Variants in TSPAN2 observed in about 807,000 individuals in gnomAD.
The protein encoded by TSPAN2 is tetraspanin-2.
TSPAN2 carries 24 observed loss-of-function variants against 33.3 expected under a neutral mutation model. The observed-to-expected ratio is 0.72, with a 90% confidence interval of 0.52 to 1.01. The LOEUF (loss-of-function observed/expected upper bound fraction) is 1.01. Among genes scored for constraint, TSPAN2 ranks in the 50% least tolerant of loss-of-function variants. TSPAN2 has a pLI of 0.00. For missense variants in TSPAN2, 278 were observed against 281.3 expected (o/e 0.99, Z 0.08); for synonymous variants, 114 against 104.5 (o/e 1.09, Z -0.56).
intron 2 of TSPAN2, among the ~76,000 whole-genome samples, chr1:115,064,720 A>G (rs1647876332): frequency 6.6e-6 from 1 of 152,214 alleles, no homozygotes; most frequent in African/African-American, 2.4e-5. Context: ...TTAGAGATAT[A>G]TGCTGGAAAC....
At chr1:115,075,132 G>C (rs527538963) in intron 1 of TSPAN2, among the ~76,000 whole-genome samples, 2 of 152,172 alleles carry the variant, frequency 1.3e-5, no homozygotes, top group Non-Finnish European at 2.9e-5. Context: ...ATTTATAGCT[G>C]TCTGGGATTA....
chr1:115,079,049 C>A (rs1461505099), intron 1 of TSPAN2, among the ~76,000 whole-genome samples: 1 of 151,524 alleles, frequency 6.6e-6, no homozygotes, highest in Admixed American at 6.6e-5. Flanking sequence ...TCCACGGATA[C>A]AAAGAATAAA....
chr1:115,088,739 C>G (rs1389330104), intron 1 of TSPAN2, among the ~76,000 whole-genome samples: 3 of 152,206 alleles, frequency 2.0e-5, no homozygotes, highest in Admixed American at 1.3e-4. Flanking sequence ...CATTCCCCAT[C>G]CCCTTCTCAG....
At chr1:115,077,926 C>A (rs978425685) in intron 1 of TSPAN2, among the ~76,000 whole-genome samples, 1 of 152,336 alleles carries the variant, frequency 6.6e-6, no homozygotes, top group East Asian at 1.9e-4. Context: ...CCAACCAGAT[C>A]ACCAAGAGCA....
At chr1:115,053,324 CAA>C (rs1647259732) in intron 7 of TSPAN2, 53 bp downstream of exon 7, 1 of 1,500,210 alleles carries the variant, frequency 6.7e-7, no homozygotes, top group African/African-American at 1.4e-5. Flanking sequence ...AAATAAGATG[CAA>C]AGTTTCAAGG....
At chr1:115,067,183 C>T (rs1055508741) in intron 2 of TSPAN2, among the ~76,000 whole-genome samples, 2 of 152,158 alleles carry the variant, frequency 1.3e-5, no homozygotes, top group African/African-American at 2.4e-5. Context: ...TCCCTGAACC[C>T]CTATGCTTTC....
At chr1:115,089,041 G>T (rs1648953673) in intron 1 of TSPAN2, among the ~76,000 whole-genome samples, 1 of 125,558 alleles carries the variant, frequency 8.0e-6, no homozygotes, top group Non-Finnish European at 1.7e-5. Flanking sequence ...TCCTCCGGAG[G>T]TGAGGAGAGG....
intron 1 of TSPAN2, among the ~76,000 whole-genome samples, chr1:115,076,334 C>T (rs999263308): frequency 6.6e-6 from 1 of 152,090 alleles, no homozygotes; most frequent in Non-Finnish European, 1.5e-5. Context: ...CATGACTCGG[C>T]TTCTACTTTG....
intron 1 of TSPAN2, among the ~76,000 whole-genome samples, chr1:115,088,222 A>G (rs1279751140): frequency 1.3e-5 from 2 of 152,214 alleles, no homozygotes; most frequent in South Asian, 4.1e-4. Flanking sequence ...CATCTGGGCT[A>G]ATGGATTGAC....
intron 7 of TSPAN2, among the ~76,000 whole-genome samples, chr1:115,052,442 C>T (rs971323369): frequency 6.6e-6 from 1 of 152,184 alleles, no homozygotes; most frequent in African/African-American, 2.4e-5. Flanking sequence ...AACCCGCCTT[C>T]CAAATCCAAT....
chr1:115,063,106 TATC>T (rs1357778095), intron 2 of TSPAN2, among the ~76,000 whole-genome samples: 1 of 152,216 alleles, frequency 6.6e-6, no homozygotes, highest in Non-Finnish European at 1.5e-5. Flanking sequence ...TGAGAAATGA[TATC>T]ATATTAAAAA....
chr1:115,065,175 A>G (rs958898835), intron 2 of TSPAN2, among the ~76,000 whole-genome samples: 3 of 152,200 alleles, frequency 2.0e-5, no homozygotes, highest in African/African-American at 7.2e-5. Context: ...AGGGAAAAGC[A>G]GAAGAAATTC....
chr1:115,057,990 A>G (rs2101025852), intron 5 of TSPAN2, among the ~76,000 whole-genome samples: 1 of 152,326 alleles, frequency 6.6e-6, no homozygotes, highest in South Asian at 2.1e-4. Context: ...AGAAGGACTC[A>G]TTAGCTGGGA....
chr1:115,087,249 G>A (rs2101052216), intron 1 of TSPAN2, among the ~76,000 whole-genome samples: 1 of 152,134 alleles, frequency 6.6e-6, no homozygotes, highest in East Asian at 2.0e-4. Flanking sequence ...AAATTCCCAG[G>A]ATATGCTGAT....
At position 115,049,107 on chromosome 1, in the gene TSPAN2, T is replaced by A. The variant is rs1003492319; in HGVS notation, c.*1383A>T. 6 of 152,232 alleles carry A rather than the reference T, an allele frequency of 3.9e-5. No individual in the cohort carries two copies. The highest frequency in any genetic ancestry group is 4.1e-4 in the South Asian group (2 of 4,824). 9.4% of individuals were successfully genotyped at this position (152,232 alleles called of 1,614,324 possible). On this transcript the variant is annotated 3_prime_UTR_variant, in exon 8 of 8. Transcript: ENST00000369516. ...GTGTGGCCTTACAAAATGTAGTTTTTAAAAAATCTATGGTTTACTAAATGT... is the reference window on the plus strand; with the variant it reads ...GTGTGGCCTTACAAAATGTAGTTTTAAAAAAATCTATGGTTTACTAAATGT...
chr1:115,081,654 C>G (rs1648629167), intron 1 of TSPAN2, among the ~76,000 whole-genome samples: 1 of 152,206 alleles, frequency 6.6e-6, no homozygotes, highest in South Asian at 2.1e-4. Context: ...GCTTCCTCAT[C>G]TGCAAAGTGA....
chr1:115,065,347 A>G (rs1308517814), intron 2 of TSPAN2, among the ~76,000 whole-genome samples: 2 of 152,248 alleles, frequency 1.3e-5, no homozygotes, highest in Admixed American at 1.3e-4. Context: ...ATTTACAGCC[A>G]CATTTTAAAT....
chr1:115,058,785 G>A (rs1203664297), intron 5 of TSPAN2, 98 bp downstream of exon 5: 10 of 1,124,302 alleles, frequency 8.9e-6, no homozygotes, highest in Non-Finnish European at 1.3e-5. Context: ...TGGCTTTACT[G>A]AATTTATTTT....
rs769712338 is a variant in TSPAN2 at position 115,089,466 on chromosome 1, G to C, written c.-34C>G. 6.9e-7 allele frequency: 1 copy of C among 1,445,174 alleles called. No homozygotes were observed. The highest frequency in any genetic ancestry group is 1.5e-5 in the African/African-American group (1 of 68,466). The allele number at this position is 1,445,174 out of a possible 1,614,324, so 89.5% of individuals were successfully genotyped here. On this transcript the variant is annotated 5_prime_UTR_variant, in exon 1 of 8. Coordinates refer to ENST00000369516, the MANE Select transcript of TSPAN2 (RefSeq NM_005725.6). ...CCGGCGGCGGGATCCCCAGTCCCCAGGCCCGCGCTACGAGCGCGGGGAGCG... is the reference window on the plus strand; with the variant it reads ...CCGGCGGCGGGATCCCCAGTCCCCACGCCCGCGCTACGAGCGCGGGGAGCG...
Sources: allele counts gnomAD v4.1 joint callset (sites outside exome capture counted in the v4.1 genomes callset), GRCh38; gene constraint gnomAD v4.1.1; transcripts MANE v1.5; gene names NCBI Gene and HGNC (gene_info 2026-07-23, HGNC 2026-07-21).